FAM117B: variants seen among roughly 807,000 people sequenced by gnomAD.
FAM117B encodes the protein family with sequence similarity 117 member B.
Under a neutral mutation model 52.8 loss-of-function variants are expected in FAM117B, and 22 were observed. That is an observed-to-expected ratio of 0.42 (90% CI 0.30 to 0.59). The LOEUF is 0.59. Among genes scored for constraint, FAM117B ranks in the 20% least tolerant of loss-of-function variants. FAM117B has a pLI of 0.22. For missense variants in FAM117B, 678 were observed against 802.6 expected (o/e 0.84, Z 1.88); for synonymous variants, 309 against 324.1 (o/e 0.95, Z 0.50).
intron 1 of FAM117B, among the ~76,000 whole-genome samples, chr2:202,647,043 T>C (rs907472965): frequency 1.5e-4 from 23 of 152,154 alleles, no homozygotes; most frequent in African/African-American, 5.6e-4. Context: ...CTCTTCCCTT[T>C]TCTTAGATTT....
At chr2:202,680,642 A>T (rs181316244) in intron 1 of FAM117B, among the ~76,000 whole-genome samples, 1 of 152,238 alleles carries the variant, frequency 6.6e-6, no homozygotes, top group African/African-American at 2.4e-5. Flanking sequence ...GCCAAAAAAA[A>T]GGGCAAATTT....
Position 202,696,811 on chromosome 2 carries a change from G to A in FAM117B, c.753+779G>A, listed in dbSNP as rs140239054. ...CCAGGCGGGATGGCTTACGCCTATA[G>A]TGCCAGCACTTTGGGAGGCCGAGAT... On this transcript the variant is annotated intron_variant, in intron 2 of 7. Coordinates refer to ENST00000392238, the MANE Select transcript of FAM117B (RefSeq NM_173511.4). Among the ~76,000 whole-genome samples, 552 of 152,286 alleles carry A rather than the reference G, an allele frequency of 3.6e-3. 1 individual carries two copies. The highest frequency in any genetic ancestry group is 5.0e-3 in the Non-Finnish European group (342 of 68,006).
chr2:202,698,041 TTG>T (rs559482076), intron 2 of FAM117B, among the ~76,000 whole-genome samples: 66 of 152,182 alleles, frequency 4.3e-4, no homozygotes, highest in African/African-American at 1.3e-3. Context: ...AGCTAATTTT[TTG>T]TGTTTTTAGT....
chr2:202,721,380 T>G lies in FAM117B; in HGVS notation c.754-3537T>G, dbSNP rs183369691. Among the ~76,000 whole-genome samples, 885 of 152,322 alleles carry G rather than the reference T, an allele frequency of 5.8e-3. 10 individuals carry two copies. Among genetic ancestry groups the G allele is most frequent in the African/African-American group, 0.02 (838 of 41,556 alleles). On this transcript the variant is annotated intron_variant, in intron 2 of 7. Transcript: ENST00000392238. ...TGCAAAAAACTATTTTCATAAAACT[T>G]ATTCTGTTTCTATCCTCTGTTTTAC...
At chr2:202,642,501 G>A (rs985825849) in intron 1 of FAM117B, among the ~76,000 whole-genome samples, 25 of 152,028 alleles carry the variant, frequency 1.6e-4, no homozygotes, top group African/African-American at 6.0e-4. Context: ...TGGATGTAGG[G>A]ATTGAGAAAC....
intron 2 of FAM117B, among the ~76,000 whole-genome samples, chr2:202,723,273 A>G (rs190769862): frequency 2.0e-5 from 3 of 152,314 alleles, no homozygotes; most frequent in Non-Finnish European, 1.5e-5. Flanking sequence ...AAACTAGACC[A>G]TTTTATAATT....
chr2:202,636,481 C>T (rs1689688320), intron 1 of FAM117B, among the ~76,000 whole-genome samples: 1 of 152,112 alleles, frequency 6.6e-6, no homozygotes, highest in African/African-American at 2.4e-5. Flanking sequence ...GTTTTGTCTC[C>T]ATCTTGTTAT....
intron 4 of FAM117B, among the ~76,000 whole-genome samples, chr2:202,737,840 G>A (rs1320321212): frequency 1.3e-5 from 2 of 152,078 alleles, no homozygotes; most frequent in Non-Finnish European, 2.9e-5. Context: ...GACCTCAGGT[G>A]ATCTGACCAC....
intron 2 of FAM117B, among the ~76,000 whole-genome samples, chr2:202,722,141 G>A (rs1410505988): frequency 6.6e-6 from 1 of 150,964 alleles, no homozygotes; most frequent in Non-Finnish European, 1.5e-5. Context: ...CTCCCAAGCA[G>A]CTGGGATTAC....
intron 1 of FAM117B, among the ~76,000 whole-genome samples, chr2:202,669,945 AT>A (rs1434477837): frequency 3.3e-5 from 5 of 152,220 alleles, no homozygotes; most frequent in Admixed American, 6.5e-5. Flanking sequence ...GGCCACAAAA[AT>A]TAAGTACTTT....
chr2:202,638,572 A>AAAAT (rs72409125), intron 1 of FAM117B, among the ~76,000 whole-genome samples: 56 of 151,848 alleles, frequency 3.7e-4, no homozygotes, highest in Middle Eastern at 3.4e-3. Context: ...CTCCCCTATC[A>AAAAT]AAATAAATAA....
At chr2:202,743,035 C>T (rs1226421194) in intron 4 of FAM117B, among the ~76,000 whole-genome samples, 7 of 152,168 alleles carry the variant, frequency 4.6e-5, no homozygotes, top group African/African-American at 1.7e-4. Flanking sequence ...CCTGAGGACC[C>T]ACCTGCCCAG....
At chr2:202,749,741 C>T (rs959658649) in intron 4 of FAM117B, among the ~76,000 whole-genome samples, 37 of 151,810 alleles carry the variant, frequency 2.4e-4, no homozygotes, top group African/African-American at 8.7e-4. Context: ...CCAGCCCGGG[C>T]AACATAGTGA....
chr2:202,662,929 T>C (rs908928979), intron 1 of FAM117B, among the ~76,000 whole-genome samples: 9 of 152,190 alleles, frequency 5.9e-5, no homozygotes, highest in Non-Finnish European at 1.3e-4. Context: ...AGTGTATTCA[T>C]GCATTGAAAC....
intron 1 of FAM117B, among the ~76,000 whole-genome samples, chr2:202,674,592 C>T (rs962604437): frequency 6.6e-6 from 1 of 152,366 alleles, no homozygotes; most frequent in Non-Finnish European, 1.5e-5. Context: ...TCTTGAGTTG[C>T]TGTAAAACAT....
intron 1 of FAM117B, among the ~76,000 whole-genome samples, chr2:202,684,771 C>A (rs1020967665): frequency 6.6e-6 from 1 of 151,896 alleles, no homozygotes; most frequent in Non-Finnish European, 1.5e-5. Context: ...ATATATTAAA[C>A]AAGATCATGT....
At chr2:202,636,428 T>C (rs1689687656) in intron 1 of FAM117B, among the ~76,000 whole-genome samples, 1 of 152,222 alleles carries the variant, frequency 6.6e-6, no homozygotes, top group Non-Finnish European at 1.5e-5. Context: ...TCTGATTTTG[T>C]GTACTGATTC....
rs915061246 is a variant in FAM117B, at chr2:202,635,220, C to A, written c.33C>A (p.Pro11=). Reference sequence around the variant, plus strand: ...AGCGGGTGAGGCGCAATGGGTCCCCCACGCCGGCCGGCTCCCTTGGGGGTG... The same window carrying A: ...AGCGGGTGAGGCGCAATGGGTCCCCAACGCCGGCCGGCTCCCTTGGGGGTG... The part of the protein sequence containing the change: MSQRVRRNGS[P]TPAGSLGGGA... The change falls in exon 1 of 8, where the codon CCC becomes CCA. Residue 11 remains proline, a synonymous_variant. Transcript: ENST00000392238. 5 of 1,305,172 alleles carry A rather than the reference C, an allele frequency of 3.8e-6. No homozygotes were observed. The highest frequency in any genetic ancestry group is 4.9e-6 in the Non-Finnish European group (5 of 1,025,698). 80.8% of individuals were successfully genotyped at this position (1,305,172 alleles called of 1,614,324 possible).
At chr2:202,690,981 CT>C (rs137894904) in intron 1 of FAM117B, among the ~76,000 whole-genome samples, 35,659 of 152,076 alleles carry the variant, frequency 0.23, 4,758 homozygotes, top group Middle Eastern at 0.31. Context: ...GCGACTTATT[CT>C]TTTTAATTTC....
Sources: allele counts gnomAD v4.1 joint callset (sites outside exome capture counted in the v4.1 genomes callset), GRCh38; gene constraint gnomAD v4.1.1; transcripts MANE v1.5; gene names NCBI Gene and HGNC (gene_info 2026-07-23, HGNC 2026-07-21).